The following CLNK variants were observed in gnomAD, a reference collection of about 807,000 sequenced individuals.
CLNK encodes cytokine-dependent hematopoietic cell linker.
In CLNK, 74 loss-of-function variants were observed where a neutral mutation model predicts 68.6. The ratio of observed to expected loss-of-function variants is 1.08; its 90% CI spans 0.89 to 1.31. CLNK has a LOEUF of 1.31. Ranked by LOEUF, CLNK falls within the 50% of genes most tolerant of loss-of-function variation. The pLI, the probability that CLNK is intolerant of heterozygous loss-of-function variation, is 0.00. For missense variants in CLNK, 553 were observed against 515.3 expected (o/e 1.07, Z -0.71); for synonymous variants, 198 against 172.2 (o/e 1.15, Z -1.17).
chr4:10,595,632 G>A (rs1721355083), intron 3 of CLNK, among the ~76,000 whole-genome samples: 2 of 152,120 alleles, frequency 1.3e-5, no homozygotes, highest in South Asian at 4.2e-4. Context: ...GGGCCTGCAG[G>A]AGACTTAACT....
chr4:10,590,423 T>C (rs941582949), intron 3 of CLNK, among the ~76,000 whole-genome samples: 1 of 152,184 alleles, frequency 6.6e-6, no homozygotes, highest in South Asian at 2.1e-4. Context: ...GATTTGGTTC[T>C]GTCTCCAGGG....
intron 2 of CLNK, among the ~76,000 whole-genome samples, chr4:10,608,726 G>C (rs1402982376): frequency 1.3e-5 from 2 of 152,206 alleles, no homozygotes; most frequent in African/African-American, 4.8e-5. Flanking sequence ...CTGTGGGCTG[G>C]GGATTGCATT....
At chr4:10,602,355 A>T (rs1721617043) in intron 2 of CLNK, among the ~76,000 whole-genome samples, 1 of 152,232 alleles carries the variant, frequency 6.6e-6, no homozygotes, top group African/African-American at 2.4e-5. Flanking sequence ...CTTATTTGGA[A>T]AAAGCGTCTT....
chr4:10,509,894 C>A (rs762769948), intron 16 of CLNK, among the ~76,000 whole-genome samples: 1 of 152,104 alleles, frequency 6.6e-6, no homozygotes, highest in Non-Finnish European at 1.5e-5. Flanking sequence ...AGGTCCATGG[C>A]AGAACCGGCT....
chr4:10,610,501 T>C lies in CLNK; in HGVS notation c.12-12452A>G, dbSNP rs575709736. Among the ~76,000 whole-genome samples the C allele has an allele frequency of 1.6e-3, 240 of 152,212 alleles. 1 individual carries two copies. The highest frequency in any genetic ancestry group is 7.1e-4 in the Non-Finnish European group (48 of 68,016). ...TTTTTCCCCCCTCTTCTTTTTGGTTTAAATTTTGATTCAGCAAGAGGAAAT... is the reference window on the plus strand; with the variant it reads ...TTTTTCCCCCCTCTTCTTTTTGGTTCAAATTTTGATTCAGCAAGAGGAAAT... On this transcript the variant is annotated intron_variant, in intron 2 of 18. Transcript: ENST00000226951.
chr4:10,707,529 C>T, the CLNK span, among the ~76,000 whole-genome samples: 1 of 152,208 alleles, frequency 6.6e-6, no homozygotes, highest in Non-Finnish European at 1.5e-5. Flanking sequence ...TAGGCTGAAC[C>T]AATGTATACC....
At chr4:10,568,650 C>CCAG (rs1720218002) in intron 5 of CLNK, among the ~76,000 whole-genome samples, 1 of 152,146 alleles carries the variant, frequency 6.6e-6, no homozygotes, top group Admixed American at 6.5e-5. Flanking sequence ...CAACAGCCAG[C>CCAG]CAGCAGGGAC....
rs142527452 is a variant in CLNK at position 10,652,665 on chromosome 4, C to A, written c.11+15194G>T. On this transcript the variant is annotated intron_variant, in intron 2 of 18. Transcript: ENST00000226951. ...AGGAGGGAATAATAGTTTGAAAATC[C>A]TGTTTCAATCATACATGTATTTGCA... Among the ~76,000 whole-genome samples the A allele has an allele frequency of 3.6e-3, 550 of 152,198 alleles. 2 individuals are homozygous for A. Among genetic ancestry groups the A allele is most frequent in the African/African-American group, 0.013 (519 of 41,518 alleles).
chr4:10,609,176 C>T (rs946786065), intron 2 of CLNK, among the ~76,000 whole-genome samples: 1 of 152,198 alleles, frequency 6.6e-6, no homozygotes, highest in African/African-American at 2.4e-5. Flanking sequence ...GCTCTCATCC[C>T]CCCTGCTTCT....
At chr4:10,616,367 T>C (rs973643802) in intron 2 of CLNK, among the ~76,000 whole-genome samples, 16 of 152,240 alleles carry the variant, frequency 1.1e-4, no homozygotes, top group Admixed American at 2.6e-4. Flanking sequence ...AAAGCAGATT[T>C]AACTTAACAG....
intron 2 of CLNK, among the ~76,000 whole-genome samples, chr4:10,602,501 ATGT>A (rs1452209155): frequency 6.6e-6 from 1 of 152,172 alleles, no homozygotes; most frequent in African/African-American, 2.4e-5. Flanking sequence ...GATTGGAGTG[ATGT>A]TGTCACAAAT....
intron 2 of CLNK, among the ~76,000 whole-genome samples, chr4:10,600,950 G>A (rs894888352): frequency 6.6e-6 from 1 of 152,156 alleles, no homozygotes; most frequent in African/African-American, 2.4e-5. Context: ...TTCTTCCTGG[G>A]TGCCTCGAGA....
intron 3 of CLNK, among the ~76,000 whole-genome samples, chr4:10,586,000 T>C (rs998689200): frequency 6.6e-6 from 1 of 152,102 alleles, no homozygotes; most frequent in African/African-American, 2.4e-5. Flanking sequence ...TCATCATGCG[T>C]TGGTAGGAGT....
At chr4:10,699,333 C>CGT in the CLNK span, among the ~76,000 whole-genome samples, 1 of 97,320 alleles carries the variant, frequency 1.0e-5, no homozygotes, top group African/African-American at 4.1e-5. Flanking sequence ...ACACCACATA[C>CGT]GTGTGTGTAT....
intron 7 of CLNK, among the ~76,000 whole-genome samples, chr4:10,562,488 C>T (rs1395238694): frequency 2.6e-5 from 4 of 152,146 alleles, no homozygotes; most frequent in African/African-American, 9.7e-5. Flanking sequence ...TCACTGCAAC[C>T]TCTGACTCCT....
At chr4:10,705,872 G>A in the CLNK span, among the ~76,000 whole-genome samples, 5 of 152,172 alleles carry the variant, frequency 3.3e-5, no homozygotes, top group African/African-American at 9.7e-5. Context: ...TATCTAAATC[G>A]GGTAAAGAGC....
At position 10,667,919 on chromosome 4, in the gene CLNK, A is replaced by C. The variant is rs1243460480; in HGVS notation, c.-42-8T>G. On this transcript the variant is annotated splice_polypyrimidine_tract_variant and splice_region_variant and intron_variant, in intron 1 of 18. Transcript: ENST00000226951. ...AGGGATCTTCAATTCAGCCTGTGGA[A>C]ACAAAAGCAAACGCGTTACTGGAAC... is the stretch of plus-strand genomic sequence containing the variant. 7.6e-7 allele frequency: 1 copy of C among 1,320,098 alleles called. No homozygotes were observed. Among genetic ancestry groups the C allele is most frequent in the East Asian group, 3.4e-5 (1 of 29,668 alleles). 81.8% of individuals were successfully genotyped at this position (1,320,098 alleles called of 1,614,324 possible).
upstream of CLNK, among the ~76,000 whole-genome samples, chr4:10,687,622 A>G (rs1051569742): frequency 6.6e-6 from 1 of 152,172 alleles, no homozygotes; most frequent in African/African-American, 2.4e-5. Flanking sequence ...GGGTGGGAAA[A>G]ACAGCATAGC....
At chr4:10,596,079 G>A (rs921857187) in intron 3 of CLNK, among the ~76,000 whole-genome samples, 2 of 152,198 alleles carry the variant, frequency 1.3e-5, no homozygotes, top group Non-Finnish European at 2.9e-5. Context: ...AGGCTGGAGG[G>A]CAATGTCTCT....
Sources: gnomAD v4.1 joint callset for allele counts (sites outside exome capture counted in the v4.1 genomes callset) on GRCh38, gnomAD v4.1.1 for gene constraint, MANE v1.5 for transcripts, NCBI Gene and HGNC (gene_info 2026-07-23, HGNC 2026-07-21) for gene names.